HIGD2B: variants seen among roughly 807,000 people sequenced by gnomAD.
HIGD2B encodes HIG1 hypoxia inducible domain family member 2B.
For synonymous variants in HIGD2B, 45 were observed against 28.1 expected (o/e 1.60, Z -1.90); for missense variants, 106 against 67.0 (o/e 1.58, Z -2.03).
intron 1 of HIGD2B, among the ~76,000 whole-genome samples, chr15:72,680,802 G>A (rs543033177): frequency 8.5e-5 from 13 of 152,278 alleles, no homozygotes; most frequent in South Asian, 2.1e-4. Flanking sequence ...CCTGAGGCAC[G>A]AGAATTGCCT....
intron 1 of HIGD2B, chr15:72,683,016 G>C (rs2064765577): frequency 5.5e-6 from 1 of 182,872 alleles, no homozygotes; most frequent in Admixed American, 6.3e-5. Context: ...AAATGGACTA[G>C]GCCTGAGTCT....
intron 2 of HIGD2B, among the ~76,000 whole-genome samples, chr15:72,679,555 A>G (rs1450445416): frequency 6.6e-6 from 1 of 152,118 alleles, no homozygotes; most frequent in Non-Finnish European, 1.5e-5. Flanking sequence ...TTAAATTCCT[A>G]AGAGGCAACT....
intron 2 of HIGD2B, among the ~76,000 whole-genome samples, chr15:72,676,727 A>G (rs562553980): frequency 2.0e-5 from 3 of 152,272 alleles, no homozygotes; most frequent in East Asian, 3.9e-4. Flanking sequence ...CATGTTTTAT[A>G]TAATGTTATT....
At chr15:72,681,317 C>T (rs1184149906) in intron 1 of HIGD2B, among the ~76,000 whole-genome samples, 1 of 152,132 alleles carries the variant, frequency 6.6e-6, no homozygotes, top group Non-Finnish European at 1.5e-5. Flanking sequence ...GGTTTTCCTC[C>T]TTTGGAGGCG....
In HIGD2B at chr15:72,685,939, C is replaced by T; in HGVS notation, c.-314G>A. 1 of 544,294 alleles carries T rather than the reference C, an allele frequency of 1.8e-6. No individual in the cohort carries two copies. The highest frequency in any genetic ancestry group is 3.3e-6 in the Non-Finnish European group (1 of 301,506). 33.7% of individuals were successfully genotyped at this position (544,294 alleles called of 1,614,324 possible). A position where few individuals can be genotyped will look rare whatever the true frequency, so the allele number is the denominator to read the frequency against. On this transcript the variant is annotated 5_prime_UTR_variant, in exon 1 of 3. The change abolishes the stop of an existing upstream ORF in the 5' untranslated region. Transcript: ENST00000311755. ...TAGGCTGCCATCCCAGGTGGCTGGC[C>T]TACCAGCCAGCGCGGCCGGAGGTAC...
intron 1 of HIGD2B, among the ~76,000 whole-genome samples, chr15:72,681,636 C>T (rs2064751341): frequency 1.4e-5 from 2 of 140,306 alleles, no homozygotes; most frequent in African/African-American, 5.4e-5. Context: ...CAAAGTCTTG[C>T]TCTGTCGCCC....
intron 1 of HIGD2B, among the ~76,000 whole-genome samples, chr15:72,681,326 C>T (rs1225488554): frequency 2.6e-5 from 4 of 152,128 alleles, no homozygotes; most frequent in Non-Finnish European, 2.9e-5. Flanking sequence ...CCTTTGGAGG[C>T]GTAGAGTCAG....
intron 2 of HIGD2B, among the ~76,000 whole-genome samples, chr15:72,677,638 T>G (rs2064706433): frequency 6.6e-6 from 1 of 151,648 alleles, no homozygotes; most frequent in African/African-American, 2.4e-5. Context: ...AATGCATGCC[T>G]GTGATCTCAA....
intron 1 of HIGD2B, among the ~76,000 whole-genome samples, chr15:72,684,807 G>A (rs1353560029): frequency 1.3e-5 from 2 of 151,660 alleles, no homozygotes; most frequent in African/African-American, 2.4e-5. Context: ...TTTTTTAGAC[G>A]GAGTCTCCCT....
intron 1 of HIGD2B, among the ~76,000 whole-genome samples, chr15:72,685,225 G>A (rs187183270): frequency 2.2e-3 from 329 of 152,236 alleles, no homozygotes; most frequent in African/African-American, 7.7e-3. Flanking sequence ...TCTCTTAGAG[G>A]CCTGGAGAAA....
chr15:72,676,427 A>G, intron 2 of HIGD2B, 40 bp from the exon 3 acceptor site: 1 of 646,570 alleles, frequency 1.5e-6, no homozygotes, highest in African/African-American at 1.8e-5. Flanking sequence ...TTTTTTGAGA[A>G]GGAGTCTTGC....
chr15:72,678,190 G>A (rs1233003867), intron 2 of HIGD2B, among the ~76,000 whole-genome samples: 1 of 152,200 alleles, frequency 6.6e-6, no homozygotes, highest in Non-Finnish European at 1.5e-5. Flanking sequence ...ATTACACAGA[G>A]GAAAACTGAA....
intron 1 of HIGD2B, 83 bp from the exon 2 acceptor site, chr15:72,680,276 A>G (rs1024522967): frequency 6.5e-6 from 1 of 152,914 alleles, no homozygotes; most frequent in Non-Finnish European, 1.5e-5. Context: ...TCTTGTCTAC[A>G]GTAAGTTTTA....
At chr15:72,682,266 T>C (rs1407014141) in intron 1 of HIGD2B, 1 of 183,894 alleles carries the variant, frequency 5.4e-6, no homozygotes, top group Admixed American at 5.0e-5. Context: ...TATAGAGTAA[T>C]TTATTTATTT....
chr15:72,678,252 A>C (rs1462789680), intron 2 of HIGD2B, among the ~76,000 whole-genome samples: 1 of 152,192 alleles, frequency 6.6e-6, no homozygotes, highest in Non-Finnish European at 1.5e-5. Flanking sequence ...TTTTTGGTAA[A>C]GTTGGAATAT....
intron 1 of HIGD2B, among the ~76,000 whole-genome samples, chr15:72,683,130 A>G (rs1340811046): frequency 1.3e-5 from 2 of 152,248 alleles, no homozygotes; most frequent in African/African-American, 2.4e-5. Context: ...TCTGGTGGTT[A>G]AAGGGAACTT....
chr15:72,678,376 G>C (rs1052887860), intron 2 of HIGD2B, among the ~76,000 whole-genome samples: 1 of 152,050 alleles, frequency 6.6e-6, no homozygotes, highest in African/African-American at 2.4e-5. Context: ...ACTCACTGTG[G>C]TCTTGACGTC....
At chr15:72,679,222 G>T (rs936592694) in intron 2 of HIGD2B, among the ~76,000 whole-genome samples, 1 of 151,796 alleles carries the variant, frequency 6.6e-6, no homozygotes, top group East Asian at 1.9e-4. Context: ...AAAATTAGCC[G>T]GGCATGGTGG....
chr15:72,681,642 C>T (rs1022890646), intron 1 of HIGD2B, among the ~76,000 whole-genome samples: 4 of 139,392 alleles, frequency 2.9e-5, no homozygotes, highest in African/African-American at 5.5e-5. Context: ...CTTGCTCTGT[C>T]GCCCAGGCTG....
Sources: gnomAD v4.1 joint callset for allele counts (sites outside exome capture counted in the v4.1 genomes callset) on GRCh38, gnomAD v4.1.1 for gene constraint, MANE v1.5 for transcripts, NCBI Gene and HGNC (gene_info 2026-07-23, HGNC 2026-07-21) for gene names.